The following LUZP2 variants were observed in gnomAD, a reference collection of about 807,000 sequenced individuals.
LUZP2 encodes leucine zipper protein 2.
LUZP2 carries 52 observed loss-of-function variants against 51.6 expected under a neutral mutation model. That is an observed-to-expected ratio of 1.01 (90% CI 0.81 to 1.27). The LOEUF (loss-of-function observed/expected upper bound fraction) is 1.27, where lower values mean the gene tolerates loss of function less well. Among genes scored for constraint, LUZP2 ranks in the 50% most tolerant of loss-of-function variants. LUZP2 has a pLI of 0.00. For missense variants in LUZP2, 436 were observed against 395.4 expected (o/e 1.10, Z -0.87); for synonymous variants, 154 against 137.3 (o/e 1.12, Z -0.85).
chr11:24,707,914 T>C (rs1857655265), intron 1 of LUZP2, among the ~76,000 whole-genome samples: 1 of 152,162 alleles, frequency 6.6e-6, no homozygotes, highest in Non-Finnish European at 1.5e-5. Context: ...AAGGGGTTCT[T>C]ATCTCTGACG....
intron 1 of LUZP2, among the ~76,000 whole-genome samples, chr11:24,712,588 G>C (rs550383157): frequency 1.1e-4 from 16 of 152,252 alleles, no homozygotes; most frequent in African/African-American, 3.9e-4. Flanking sequence ...TGGGGGATAA[G>C]AAATTTGATC....
At chr11:24,711,312 T>A (rs1184700308) in intron 1 of LUZP2, among the ~76,000 whole-genome samples, 1 of 151,896 alleles carries the variant, frequency 6.6e-6, no homozygotes, top group Non-Finnish European at 1.5e-5. Flanking sequence ...TAGCCGGGTG[T>A]GGCGGCGGGT....
At chr11:24,748,645 G>C (rs1859466776) in intron 4 of LUZP2, among the ~76,000 whole-genome samples, 1 of 152,064 alleles carries the variant, frequency 6.6e-6, no homozygotes, top group African/African-American at 2.4e-5. Context: ...TTTCAGAAGA[G>C]AGGGGGTTTC....
intron 1 of LUZP2, among the ~76,000 whole-genome samples, chr11:24,640,680 A>G (rs1855249898): frequency 6.6e-6 from 1 of 151,948 alleles, no homozygotes; most frequent in Non-Finnish European, 1.5e-5. Flanking sequence ...TTGCCAGCTC[A>G]TATTAAAATT....
At chr11:25,071,765 A>C (rs1412727622) in intron 10 of LUZP2, among the ~76,000 whole-genome samples, 1 of 152,102 alleles carries the variant, frequency 6.6e-6, no homozygotes, top group Admixed American at 6.6e-5. Flanking sequence ...ACATGTATAC[A>C]TATGTAACAA....
chr11:24,562,863 CAAAAA>C (rs35383666), intron 1 of LUZP2, among the ~76,000 whole-genome samples: 1 of 115,576 alleles, frequency 8.7e-6, no homozygotes, highest in Non-Finnish European at 1.8e-5. Flanking sequence ...CTCCATCTCT[CAAAAA>C]AAAAAAAAAA....
intron 9 of LUZP2, among the ~76,000 whole-genome samples, chr11:24,996,957 T>G (rs1339239671): frequency 6.6e-6 from 1 of 151,296 alleles, no homozygotes; most frequent in Non-Finnish European, 1.5e-5. Flanking sequence ...CTCATCATTT[T>G]TTATGGCTGC....
At position 24,497,264 on chromosome 11, in the gene LUZP2, C is replaced by G. The variant is rs374406998; in HGVS notation, c.21C>G (p.His7Gln). Residue 7 changes from histidine (H) to glutamine (Q), a missense_variant, in exon 1 of 12, where the codon CAC (histidine) becomes CAG (glutamine). Coordinates refer to ENST00000336930, the MANE Select transcript of LUZP2 (RefSeq NM_001009909.4). MKFSPA[H>Q]YLLPLLPALV... ...GCAGCATGAAATTCAGCCCAGCGCA[C>G]TACCTGCTGCCTCTCCTGCCTGCGC... 45 of 1,566,206 alleles carry G rather than the reference C, an allele frequency of 2.9e-5. No homozygotes were observed. In the Middle Eastern group the frequency reaches 5.1e-4, roughly 18 times the overall value.
chr11:24,519,388 G>C (rs1850571930), intron 1 of LUZP2, among the ~76,000 whole-genome samples: 1 of 152,130 alleles, frequency 6.6e-6, no homozygotes, highest in East Asian at 1.9e-4. Flanking sequence ...TAGTTTTAGG[G>C]AGAAAGATAA....
chr11:24,877,821 T>C (rs1852320501), intron 5 of LUZP2, among the ~76,000 whole-genome samples: 1 of 152,136 alleles, frequency 6.6e-6, no homozygotes. Flanking sequence ...TCAATTGTTT[T>C]AATTTTTAGT....
At chr11:24,549,339 G>A (rs1196968590) in intron 1 of LUZP2, among the ~76,000 whole-genome samples, 1 of 152,046 alleles carries the variant, frequency 6.6e-6, no homozygotes, top group African/African-American at 2.4e-5. Flanking sequence ...GTCTCCATGG[G>A]CATCAGCACA....
chr11:24,683,564 G>T (rs529842503), intron 1 of LUZP2, among the ~76,000 whole-genome samples: 1 of 152,006 alleles, frequency 6.6e-6, no homozygotes, highest in African/African-American at 2.4e-5. Context: ...TTTTACATCA[G>T]TCTTCAAAAT....
chr11:24,661,750 G>A (rs181204079), intron 1 of LUZP2, among the ~76,000 whole-genome samples: 11 of 152,210 alleles, frequency 7.2e-5, no homozygotes, highest in African/African-American at 2.4e-4. Flanking sequence ...TTATAAATAT[G>A]GTGAAATAGT....
Position 24,738,302 on chromosome 11 carries a change from TGTAA to T in LUZP2, c.333+3_333+6del, listed in dbSNP as rs1859017474. On this transcript the variant is annotated splice_donor_variant and splice_donor_region_variant and intron_variant, in intron 4 of 11. Coordinates refer to ENST00000336930, the MANE Select transcript of LUZP2 (RefSeq NM_001009909.4). LOFTEE classifies it high-confidence loss of function. The stretch of plus-strand genomic sequence containing the variant: ...AGAAAGCAGAAAAACACCAGGCTAC[TGTAA>T]GTGTGTTTCTTCTTTGTGCCTTTTG... 4 of 1,608,884 alleles carry T rather than the reference TGTAA, an allele frequency of 2.5e-6. No homozygotes were observed. The highest frequency in any genetic ancestry group is 1.3e-5 in the African/African-American group (1 of 74,748).
At chr11:25,054,949 G>GT (rs11448325) in intron 10 of LUZP2, among the ~76,000 whole-genome samples, 140,958 of 145,088 alleles carry the variant, frequency 0.97, 68,494 homozygotes, top group East Asian at 1. Context: ...TAATAATACT[G>GT]TTTTTTTTTC....
intron 1 of LUZP2, among the ~76,000 whole-genome samples, chr11:24,532,058 A>G (rs1329167480): frequency 2.0e-5 from 3 of 150,952 alleles, no homozygotes; most frequent in Admixed American, 6.6e-5. Flanking sequence ...AGGGCAGGAA[A>G]GAAAATAATA....
intron 1 of LUZP2, among the ~76,000 whole-genome samples, chr11:24,691,992 C>T (rs911081078): frequency 2.6e-5 from 4 of 151,984 alleles, no homozygotes; most frequent in Admixed American, 6.6e-5. Flanking sequence ...TATAGGAAAA[C>T]TAACTAAAAT....
At chr11:24,761,786 C>A (rs1277117153) in intron 4 of LUZP2, among the ~76,000 whole-genome samples, 1 of 152,062 alleles carries the variant, frequency 6.6e-6, no homozygotes, top group Non-Finnish European at 1.5e-5. Flanking sequence ...AAAATAAATA[C>A]AAATAAATCT....
intron 1 of LUZP2, among the ~76,000 whole-genome samples, chr11:24,638,266 G>A (rs1239262810): frequency 6.6e-6 from 1 of 151,500 alleles, no homozygotes; most frequent in African/African-American, 2.4e-5. Flanking sequence ...CAATAAAATA[G>A]TTATAAAATC....
Sources: gnomAD v4.1 joint callset for allele counts (sites outside exome capture counted in the v4.1 genomes callset) on GRCh38, gnomAD v4.1.1 for gene constraint, MANE v1.5 for transcripts, NCBI Gene and HGNC (gene_info 2026-07-23, HGNC 2026-07-21) for gene names.